The following PTH2R variants were observed in gnomAD, a reference collection of about 807,000 sequenced individuals.
PTH2R encodes the protein parathyroid hormone 2 receptor.
A neutral mutation model predicts 60.3 loss-of-function variants in PTH2R; 59 were observed. The observed-to-expected ratio is 0.98, with a 90% CI of 0.79 to 1.22. The LOEUF (loss-of-function observed/expected upper bound fraction) is 1.22. Ranked by LOEUF, PTH2R falls within the 50% of genes most tolerant of loss-of-function variation. PTH2R has a pLI of 0.00. For synonymous variants in PTH2R, 256 were observed against 243.8 expected (o/e 1.05, Z -0.47); for missense variants, 749 against 682.6 (o/e 1.10, Z -1.08).
chr2:208,400,092 C>T (rs769658871), intron 1 of PTH2R, among the ~76,000 whole-genome samples: 33 of 152,116 alleles, frequency 2.2e-4, no homozygotes, highest in Non-Finnish European at 3.8e-4. Flanking sequence ...CTTCTTAAAA[C>T]CCAAGTTAGT....
In PTH2R at chr2:208,398,208, G is replaced by C. The variant is rs1055503927; in HGVS notation, c.-258-29993G>C. 2.6e-5 allele frequency among the ~76,000 whole-genome samples: 4 copies of C among 152,286 alleles called. 1 individual carries two copies. The highest frequency in any genetic ancestry group is 1.3e-4 in the Admixed American group (2 of 15,298). On this transcript the variant is annotated intron_variant, in intron 1 of 12. Coordinates refer to the PTH2R transcript ENST00000617735. Reference sequence around the variant, plus strand: ...GTTTCTTTTGTCTCAGAATGAAGTAGTCTTAAGTTCCAGAGCAGATATATC... The same window carrying C: ...GTTTCTTTTGTCTCAGAATGAAGTACTCTTAAGTTCCAGAGCAGATATATC...
At chr2:208,411,049 C>T (rs929542023) in intron 1 of PTH2R, among the ~76,000 whole-genome samples, 7 of 152,174 alleles carry the variant, frequency 4.6e-5, no homozygotes, top group African/African-American at 1.4e-4. Context: ...AGTTCGAGAC[C>T]AGCCTGGCCG....
chr2:208,455,927 C>T (rs952633827), intron 8 of PTH2R, among the ~76,000 whole-genome samples: 2 of 152,082 alleles, frequency 1.3e-5, no homozygotes, highest in African/African-American at 4.8e-5. Context: ...AAGTCTCTTT[C>T]AGATTTAAAA....
chr2:208,368,171 G>A (rs1217425128), intron 1 of PTH2R, among the ~76,000 whole-genome samples: 1 of 152,132 alleles, frequency 6.6e-6, no homozygotes, highest in Non-Finnish European at 1.5e-5. Context: ...AGCCTCCTTG[G>A]AAGCATTGTC....
At chr2:208,362,669 A>T (rs1179019004) in intron 1 of PTH2R, among the ~76,000 whole-genome samples, 1 of 152,154 alleles carries the variant, frequency 6.6e-6, no homozygotes, top group Non-Finnish European at 1.5e-5. Context: ...CCCTGCTCTG[A>T]GTTCTTTTGG....
chr2:208,475,981 T>C (rs1323571097), intron 9 of PTH2R, among the ~76,000 whole-genome samples: 1 of 152,184 alleles, frequency 6.6e-6, no homozygotes, highest in Non-Finnish European at 1.5e-5. Context: ...TAGAGTGCAT[T>C]AAATACTGAG....
chr2:208,376,380 G>T (rs1193874319), intron 1 of PTH2R, among the ~76,000 whole-genome samples: 1 of 152,030 alleles, frequency 6.6e-6, no homozygotes, highest in Admixed American at 6.6e-5. Context: ...AATACCTACT[G>T]TTGCACTTTT....
At chr2:208,490,826 A>G in intron 12 of PTH2R, 146 bp downstream of exon 12, 3 of 787,732 alleles carry the variant, frequency 3.8e-6, no homozygotes, top group South Asian at 5.0e-5. Flanking sequence ...ATTATTTTGG[A>G]AAAGAAAGAA....
At chr2:208,467,280 T>C (rs979832686) in intron 9 of PTH2R, among the ~76,000 whole-genome samples, 1 of 152,168 alleles carries the variant, frequency 6.6e-6, no homozygotes, top group African/African-American at 2.4e-5. Flanking sequence ...CTTTTCTTTT[T>C]TTTCCCCCTA....
intron 2 of PTH2R, among the ~76,000 whole-genome samples, chr2:208,429,043 C>T (rs1701917108): frequency 6.7e-6 from 1 of 149,486 alleles, no homozygotes; most frequent in Non-Finnish European, 1.5e-5. Flanking sequence ...TGAGATCGCA[C>T]CATTGAACTC....
intron 4 of PTH2R, 80 bp from the exon 5 acceptor site, chr2:208,442,284 C>T (rs961236306): frequency 9.3e-5 from 96 of 1,034,518 alleles, no homozygotes; most frequent in Non-Finnish European, 1.3e-4. Context: ...AAATAAGATT[C>T]CAAAAATGAC....
chr2:208,378,158 G>A (rs1700842941), intron 1 of PTH2R, among the ~76,000 whole-genome samples: 1 of 151,950 alleles, frequency 6.6e-6, no homozygotes, highest in African/African-American at 2.4e-5. Flanking sequence ...ATCACTCGCG[G>A]TTAGGAGCTG....
chr2:208,459,089 C>A (rs566509435), intron 8 of PTH2R, among the ~76,000 whole-genome samples: 1 of 152,144 alleles, frequency 6.6e-6, no homozygotes, highest in African/African-American at 2.4e-5. Context: ...TAAGGGTTCC[C>A]TTTTCTCTCT....
chr2:208,396,688 A>G (rs1278833860), intron 1 of PTH2R, among the ~76,000 whole-genome samples: 2 of 152,186 alleles, frequency 1.3e-5, no homozygotes, highest in African/African-American at 2.4e-5. Context: ...AGAAATAGGA[A>G]CGCTTTTACG....
intron 1 of PTH2R, among the ~76,000 whole-genome samples, chr2:208,388,979 C>G (rs911912428): frequency 6.6e-6 from 1 of 152,088 alleles, no homozygotes; most frequent in Non-Finnish European, 1.5e-5. Flanking sequence ...ATAGCACATA[C>G]GTAGAAAACA....
intron 1 of PTH2R, among the ~76,000 whole-genome samples, chr2:208,360,478 G>A (rs1303089630): frequency 6.6e-6 from 1 of 152,166 alleles, no homozygotes; most frequent in Non-Finnish European, 1.5e-5. Flanking sequence ...GGCCAGACCC[G>A]GCTGAGACTG....
At chr2:208,447,451 G>A (rs1025990241) in intron 7 of PTH2R, among the ~76,000 whole-genome samples, 1 of 151,858 alleles carries the variant, frequency 6.6e-6, no homozygotes, top group African/African-American at 2.4e-5. Flanking sequence ...AGCCAGACGT[G>A]CTGGCAGGCG....
At chr2:208,428,774 G>A (rs1701910566) in intron 2 of PTH2R, among the ~76,000 whole-genome samples, 4 of 152,186 alleles carry the variant, frequency 2.6e-5, no homozygotes, top group Admixed American at 2.6e-4. Context: ...TGGTCTGCAT[G>A]ATACTGAGTT....
intron 9 of PTH2R, among the ~76,000 whole-genome samples, chr2:208,467,405 A>G (rs903613604): frequency 3.3e-5 from 5 of 152,246 alleles, no homozygotes; most frequent in African/African-American, 1.2e-4. Flanking sequence ...TTACTCAACC[A>G]GAATGTGGTG....
Sources: allele counts gnomAD v4.1 joint callset (sites outside exome capture counted in the v4.1 genomes callset), GRCh38; gene constraint gnomAD v4.1.1; transcripts MANE v1.5; gene names NCBI Gene and HGNC (gene_info 2026-07-23, HGNC 2026-07-21).